Variants in CCDC186 observed in about 807,000 individuals in gnomAD.
CCDC186 encodes coiled-coil domain containing 186.
In CCDC186, 49 loss-of-function variants were observed where a neutral mutation model predicts 113.7. That is an observed-to-expected ratio of 0.43 (90% CI 0.34 to 0.55). The LOEUF (loss-of-function observed/expected upper bound fraction) is 0.55. CCDC186 is among the 20% of genes least tolerant of loss of function. The pLI, the probability that CCDC186 is intolerant of heterozygous loss-of-function variation, is 0.02. For missense variants in CCDC186, 890 were observed against 1,011.1 expected (o/e 0.88, Z 1.62); for synonymous variants, 355 against 345.8 (o/e 1.03, Z -0.30).
rs748672788 is a variant in CCDC186, at chr10:114,129,977, G to C, written c.2102-6C>G. On this transcript the variant is annotated splice_polypyrimidine_tract_variant and splice_region_variant and intron_variant, in intron 12 of 15. Transcript: ENST00000369287. ...CTGATCTAATTTTCTTCGTGCTATA[G>C]GAAAAAGAAGATTATTCGTCACAAT... 4 of 1,611,230 alleles carry C rather than the reference G, an allele frequency of 2.5e-6. No homozygotes were observed. The highest frequency in any genetic ancestry group is 1.7e-5 in the Admixed American group (1 of 59,796).
At chr10:114,128,224 G>C (rs1014337928) in intron 13 of CCDC186, among the ~76,000 whole-genome samples, 20 of 152,230 alleles carry the variant, frequency 1.3e-4, no homozygotes, top group Middle Eastern at 3.4e-3. Flanking sequence ...TTAGAAAAAG[G>C]CATATAGTAA....
chr10:114,124,845 TATAAAAGCCCTTGTAA>T lies in CCDC186; in HGVS notation c.*282_*297del. On this transcript the variant is annotated 3_prime_UTR_variant, in exon 16 of 16. Coordinates refer to ENST00000369287, the MANE Select transcript of CCDC186 (RefSeq NM_018017.4). ...GAAGAAATATGAACAAAGGGTTTTT[TATAAAAGCCCTTGTAA>T]TGTTCAACACTTCTTATGAATACAA... is the stretch of plus-strand genomic sequence containing the variant. 3.8e-6 allele frequency: 1 copy of T among 261,608 alleles called. No individual in the cohort carries two copies. Among genetic ancestry groups the T allele is most frequent in the Non-Finnish European group, 7.1e-6 (1 of 140,322 alleles). The allele number at this position is 261,608 out of a possible 1,614,324, so 16.2% of individuals were successfully genotyped here.
chr10:114,138,064 AAAAAAAAAAT>A (rs869174389), intron 6 of CCDC186, among the ~76,000 whole-genome samples: 1,118 of 80,300 alleles, frequency 0.014, 64 homozygotes, highest in Non-Finnish European at 0.018. Flanking sequence ...AAAAAAAAAA[AAAAAAAAAAT>A]AAAAAAAATA....
chr10:114,125,285 C>A (rs2119669778), intron 15 of CCDC186, 59 bp from the exon 16 acceptor site: 1 of 1,296,652 alleles, frequency 7.7e-7, no homozygotes, highest in South Asian at 1.3e-5. Flanking sequence ...ATAAATAAAA[C>A]AATTCAGTTT....
chr10:114,157,403 GC>G (rs36078992), intron 3 of CCDC186, 150 bp downstream of exon 3: 37,892 of 522,982 alleles, frequency 0.072, 1,917 homozygotes, highest in Middle Eastern at 0.1. Flanking sequence ...TGTTGCCCAG[GC>G]TGGTCTCAAA....
At chr10:114,161,844 T>C (rs1413486119) in intron 2 of CCDC186, 2 of 152,174 alleles carry the variant, frequency 1.3e-5, no homozygotes, top group African/African-American at 4.8e-5. Flanking sequence ...CAATGCAATA[T>C]TATTGAGCCT....
intron 6 of CCDC186, among the ~76,000 whole-genome samples, chr10:114,141,326 T>C (rs1269694649): frequency 6.6e-6 from 1 of 152,206 alleles, no homozygotes; most frequent in Non-Finnish European, 1.5e-5. Context: ...GAGTTCTTCG[T>C]AGTCATTTAA....
intron 4 of CCDC186, among the ~76,000 whole-genome samples, chr10:114,147,964 A>T (rs1054282239): frequency 1.3e-5 from 2 of 151,992 alleles, no homozygotes; most frequent in Non-Finnish European, 2.9e-5. Context: ...TCCCCTATCT[A>T]CAAAAAAAAC....
At chr10:114,136,861 G>A (rs939948086) in intron 7 of CCDC186, among the ~76,000 whole-genome samples, 11 of 152,194 alleles carry the variant, frequency 7.2e-5, no homozygotes, top group African/African-American at 2.4e-4. Flanking sequence ...GTTCATGCCT[G>A]TAATCCTAGC....
Position 114,125,972 on chromosome 10 carries a change from C to T in CCDC186, c.2527G>A (p.Gly843Arg), listed in dbSNP as rs1330480437. The T allele has an allele frequency of 1.2e-6, 2 of 1,613,890 alleles. No homozygotes were observed. Among genetic ancestry groups the T allele is most frequent in the African/African-American group, 2.7e-5 (2 of 74,912 alleles). Residue 843 changes from glycine to arginine, a missense_variant, in exon 15 of 16, where the codon GGA becomes AGA. Coordinates refer to ENST00000369287, the MANE Select transcript of CCDC186 (RefSeq NM_018017.4). Reference protein sequence around the residue: ...SLYTSHPADNGLTLELSLEIN... With the variant: ...SLYTSHPADNRLTLELSLEIN... The stretch of plus-strand genomic sequence containing the variant: ...TCCAAAGAGAGCTCCAATGTTAATC[C>T]ATTGTCAGCTGGATGGGATGTATAT...
chr10:114,122,462 C>T lies in CCDC186; in HGVS notation c.*2681G>A, dbSNP rs1274155826. 2.0e-5 allele frequency: 3 copies of T among 152,106 alleles called. No homozygotes were observed. Among genetic ancestry groups the T allele is most frequent in the African/African-American group, 4.8e-5 (2 of 41,410 alleles). The allele number at this position is 152,106 out of a possible 1,614,324, so 9.4% of individuals were successfully genotyped here. ...GCAAATATTCACTTCAAAATTAAAA[C>T]CTATTGAAGTGTATACATATACATA... is the stretch of plus-strand genomic sequence containing the variant. On this transcript the variant is annotated 3_prime_UTR_variant, in exon 16 of 16. Coordinates refer to ENST00000369287, the MANE Select transcript of CCDC186 (RefSeq NM_018017.4).
At chr10:114,145,302 GAA>G (rs1439285701) in intron 5 of CCDC186, among the ~76,000 whole-genome samples, 2 of 151,012 alleles carry the variant, frequency 1.3e-5, no homozygotes, top group Admixed American at 6.6e-5. Context: ...GAAAGCTCAA[GAA>G]AAAGTTATCT....
intron 1 of CCDC186, among the ~76,000 whole-genome samples, chr10:114,171,289 A>C (rs1409230614): frequency 1.3e-5 from 2 of 151,976 alleles, no homozygotes; most frequent in Admixed American, 1.3e-4. Context: ...TAATCCCAGC[A>C]CTTTGGGAGG....
rs554177834 is a variant in CCDC186, at chr10:114,163,421, C to G, written c.-61-92G>C. The G allele has an allele frequency of 6.7e-5, 68 of 1,012,888 alleles. No individual in the cohort carries two copies. In the South Asian group the frequency reaches 1.2e-3, roughly 18 times the overall value. The allele number at this position is 1,012,888 out of a possible 1,614,324, so 62.7% of individuals were successfully genotyped here. On this transcript the variant is annotated intron_variant, in intron 1 of 15. Transcript: ENST00000369287. ...CTCTGTGATGTGGAATAACTAACACCACAAATTTTATCACTAACAATTCCT... is the reference window on the plus strand; with the variant it reads ...CTCTGTGATGTGGAATAACTAACACGACAAATTTTATCACTAACAATTCCT...
chr10:114,121,118 A>C lies in CCDC186; in HGVS notation c.*4025T>G, dbSNP rs1477762340. 1 of 152,176 alleles carries C rather than the reference A, an allele frequency of 6.6e-6. No homozygotes were observed. Among genetic ancestry groups the C allele is most frequent in the Non-Finnish European group, 1.5e-5 (1 of 68,022 alleles). 9.4% of individuals were successfully genotyped at this position (152,176 alleles called of 1,614,324 possible). A position where few individuals can be genotyped will look rare whatever the true frequency, so the allele number is the denominator to read the frequency against. ...GAAGAAAAATACATCTCTAATATACAATTATATTTTTCATTTATTTTCCTA... is the reference window on the plus strand; with the variant it reads ...GAAGAAAAATACATCTCTAATATACCATTATATTTTTCATTTATTTTCCTA... On this transcript the variant is annotated 3_prime_UTR_variant, in exon 16 of 16. Transcript: ENST00000369287.
At chr10:114,157,794 T>C (rs1476992276) in intron 2 of CCDC186, 114 bp from the exon 3 acceptor site, 6 of 775,490 alleles carry the variant, frequency 7.7e-6, no homozygotes, top group Non-Finnish European at 9.6e-6. Flanking sequence ...TTATTCATTA[T>C]GTTAATAAAT....
intron 4 of CCDC186, among the ~76,000 whole-genome samples, chr10:114,149,848 G>A (rs554328553): frequency 8.1e-6 from 1 of 123,602 alleles, no homozygotes; most frequent in South Asian, 2.2e-4. Flanking sequence ...AAGGCAGGCA[G>A]GCAGGCAGGA....
intron 6 of CCDC186, among the ~76,000 whole-genome samples, chr10:114,138,745 A>ATT (rs1321343896): frequency 2.0e-5 from 3 of 151,954 alleles, no homozygotes; most frequent in Non-Finnish European, 4.4e-5. Flanking sequence ...ACAGGACAAT[A>ATT]TTCTCCTTCT....
chr10:114,135,314 A>G (rs1383056253), intron 9 of CCDC186, among the ~76,000 whole-genome samples: 1 of 152,150 alleles, frequency 6.6e-6, no homozygotes, highest in Non-Finnish European at 1.5e-5. Flanking sequence ...CTACCTCAAA[A>G]AACTGGCAAG....
Sources: gnomAD v4.1 joint callset for allele counts (sites outside exome capture counted in the v4.1 genomes callset) on GRCh38, gnomAD v4.1.1 for gene constraint, MANE v1.5 for transcripts, NCBI Gene and HGNC (gene_info 2026-07-23, HGNC 2026-07-21) for gene names.